TMEM132C: variants seen among roughly 807,000 people sequenced by gnomAD.
The protein encoded by TMEM132C is protein phosphatase 1, regulatory subunit 152.
In TMEM132C, 29 loss-of-function variants were observed where a neutral mutation model predicts 61.4. That is an observed-to-expected ratio of 0.47 (90% CI 0.35 to 0.64). The LOEUF is 0.64. TMEM132C is among the 30% of genes least tolerant of loss of function. TMEM132C has a pLI of 0.00. For synonymous variants in TMEM132C, 656 were observed against 633.1 expected, an observed-to-expected ratio of 1.04 and a Z score of -0.54; for missense variants, 1,408 against 1,476.9, an observed-to-expected ratio of 0.95 and a Z score of 0.76.
At chr12:128,407,766 T>C (rs1004358968) in intron 1 of TMEM132C, among the ~76,000 whole-genome samples, 2 of 152,082 alleles carry the variant, frequency 1.3e-5, no homozygotes, top group Admixed American at 1.3e-4. Context: ...CCAAAGCAAA[T>C]CACAAGGCAG....
At chr12:128,579,307 A>G (rs984840282) in intron 3 of TMEM132C, among the ~76,000 whole-genome samples, 1 of 152,160 alleles carries the variant, frequency 6.6e-6, no homozygotes, top group Non-Finnish European at 1.5e-5. Flanking sequence ...ACTGGCTTGT[A>G]TCAATAAATC....
intron 5 of TMEM132C, among the ~76,000 whole-genome samples, chr12:128,670,878 A>G (rs1001988771): frequency 1.3e-5 from 2 of 152,204 alleles, no homozygotes; most frequent in African/African-American, 4.8e-5. Context: ...TCAGTATTTT[A>G]TGTCTCCAAA....
intron 3 of TMEM132C, among the ~76,000 whole-genome samples, chr12:128,556,401 G>A (rs180746404): frequency 6.2e-4 from 94 of 152,304 alleles, no homozygotes; most frequent in Middle Eastern, 3.4e-3. Context: ...CACAGTGTTG[G>A]ACAGTTTGTC....
chr12:128,445,858 G>A (rs1387933611), intron 2 of TMEM132C, among the ~76,000 whole-genome samples: 5 of 152,088 alleles, frequency 3.3e-5, no homozygotes, highest in Non-Finnish European at 7.4e-5. Flanking sequence ...TCTATCTTCA[G>A]ACAGGCAGCC....
At chr12:128,517,227 T>C (rs1872747185) in intron 2 of TMEM132C, among the ~76,000 whole-genome samples, 1 of 109,710 alleles carries the variant, frequency 9.1e-6, no homozygotes, top group African/African-American at 3.4e-5. Context: ...CAAGACTCCG[T>C]CTCAACAAAT....
intron 4 of TMEM132C, among the ~76,000 whole-genome samples, chr12:128,667,272 A>G (rs1954488408): frequency 6.6e-6 from 1 of 152,166 alleles, no homozygotes; most frequent in Non-Finnish European, 1.5e-5. Context: ...ATCACAATCC[A>G]TGAGGGAATG....
At chr12:128,310,495 G>A (rs974138806) in intron 1 of TMEM132C, among the ~76,000 whole-genome samples, 3 of 151,988 alleles carry the variant, frequency 2.0e-5, no homozygotes, top group Non-Finnish European at 2.9e-5. Flanking sequence ...AGAGTTGGGT[G>A]GGGGGGTTTG....
chr12:128,553,883 C>T (rs1026533295), intron 3 of TMEM132C, among the ~76,000 whole-genome samples: 6 of 152,162 alleles, frequency 3.9e-5, no homozygotes, highest in Non-Finnish European at 7.4e-5. Flanking sequence ...GAATGGCCTG[C>T]GGGAGGAGAG....
chr12:128,482,864 G>A (rs1330286262), intron 2 of TMEM132C, among the ~76,000 whole-genome samples: 5 of 152,064 alleles, frequency 3.3e-5, no homozygotes, highest in Non-Finnish European at 1.5e-5. Context: ...CCTGCACAGA[G>A]CAAGAGTCCA....
intron 5 of TMEM132C, among the ~76,000 whole-genome samples, chr12:128,685,497 T>C (rs143130576): frequency 6.6e-6 from 1 of 152,314 alleles, no homozygotes; most frequent in African/African-American, 2.4e-5. Flanking sequence ...ACTGAGAGAT[T>C]GTATTAATAG....
At chr12:128,683,970 T>TTAAATAAATAAATAAATAAATAAA (rs5741714) in intron 5 of TMEM132C, among the ~76,000 whole-genome samples, 1 of 147,470 alleles carries the variant, frequency 6.8e-6, no homozygotes, top group Admixed American at 6.8e-5. Context: ...CTGTTTGAAA[T>TTAAATAAATAAATAAATAAATAAA]TAAATAAATA....
chr12:128,330,410 C>T (rs757842858), intron 1 of TMEM132C, among the ~76,000 whole-genome samples: 9 of 151,974 alleles, frequency 5.9e-5, no homozygotes, highest in Admixed American at 1.3e-4. Context: ...TTTCTAGGGC[C>T]GGCATAGTGG....
rs1296879582 is a variant in TMEM132C, at chr12:128,706,107, C to A, written c.3139C>A (p.Pro1047Thr). 1 of 1,551,612 alleles carries A rather than the reference C, an allele frequency of 6.4e-7. No homozygotes were observed. The highest frequency in any genetic ancestry group is 1.2e-5 in the South Asian group (1 of 84,050). ...REQKQDPLHSPTSKRKKVKFT... is the reference protein window; with the variant it reads ...REQKQDPLHSTTSKRKKVKFT... ...ACAGAAGCAGGACCCCCTGCACTCG[C>A]CCACCTCCAAGAGGAAGAAGGTGAA... The change falls in exon 9 of 9, where the codon CCC becomes ACC. Residue 1047 changes from proline to threonine, a missense_variant. Coordinates refer to ENST00000435159, the MANE Select transcript of TMEM132C (RefSeq NM_001136103.3).
chr12:128,545,615 C>T (rs756501108), intron 3 of TMEM132C, among the ~76,000 whole-genome samples: 1 of 152,166 alleles, frequency 6.6e-6, no homozygotes, highest in African/African-American at 2.4e-5. Context: ...ATGTCTCCAG[C>T]GTCTGTTATT....
At chr12:128,325,775 C>A (rs1242196450) in intron 1 of TMEM132C, among the ~76,000 whole-genome samples, 1 of 152,118 alleles carries the variant, frequency 6.6e-6, no homozygotes, top group Non-Finnish European at 1.5e-5. Flanking sequence ...TCCTGCTGTT[C>A]CCCCATTTGG....
intron 1 of TMEM132C, among the ~76,000 whole-genome samples, chr12:128,271,735 C>T (rs898736349): frequency 3.8e-4 from 58 of 152,214 alleles, no homozygotes; most frequent in Non-Finnish European, 4.4e-4. Context: ...ACCTCTTCTT[C>T]GTTCATCTCA....
chr12:128,676,808 A>G (rs1419079394), intron 5 of TMEM132C, among the ~76,000 whole-genome samples: 1 of 152,216 alleles, frequency 6.6e-6, no homozygotes, highest in Non-Finnish European at 1.5e-5. Context: ...ACAATGCATC[A>G]TGAATATCGC....
intron 1 of TMEM132C, among the ~76,000 whole-genome samples, chr12:128,374,228 A>G (rs1874115443): frequency 6.6e-6 from 1 of 152,182 alleles, no homozygotes; most frequent in Non-Finnish European, 1.5e-5. Flanking sequence ...GCGAAAAACA[A>G]CGGGACTGAA....
chr12:128,621,948 C>T (rs1414169616), intron 4 of TMEM132C, among the ~76,000 whole-genome samples: 2 of 152,196 alleles, frequency 1.3e-5, no homozygotes, highest in East Asian at 1.9e-4. Context: ...CCTGAGCAGG[C>T]TGTCTGTTCC....
Sources: gnomAD v4.1 joint callset for allele counts (sites outside exome capture counted in the v4.1 genomes callset) on GRCh38, gnomAD v4.1.1 for gene constraint, MANE v1.5 for transcripts, NCBI Gene and HGNC (gene_info 2026-07-23, HGNC 2026-07-21) for gene names.